The following RBFOX1 variants were observed in gnomAD, a reference collection of about 807,000 sequenced individuals.
The protein encoded by RBFOX1 is RNA binding protein fox-1 homolog 1.
Under a neutral mutation model 57.7 loss-of-function variants are expected in RBFOX1, and 8 were observed. The observed-to-expected ratio is 0.14, with a 90% confidence interval of 0.08 to 0.25. RBFOX1 has a LOEUF of 0.25. Among genes scored for constraint, RBFOX1 ranks in the 10% least tolerant of loss-of-function variants. RBFOX1 has a pLI of 1.00. For synonymous variants in RBFOX1, 326 were observed against 222.4 expected (o/e 1.47, Z -4.15); for missense variants, 611 against 548.5 (o/e 1.11, Z -1.14).
At chr16:6,549,524 AGGGAGGAGGAGGAG>A (rs1470225001) in intron 2 of RBFOX1, among the ~76,000 whole-genome samples, 5 of 56,924 alleles carry the variant, frequency 8.8e-5, no homozygotes, top group Non-Finnish European at 1.7e-4. Flanking sequence ...GGAGGAGAGG[AGGGAGGAGGAGGAG>A]GGGAGGAGGA....
intron 4 of RBFOX1, among the ~76,000 whole-genome samples, chr16:5,993,339 ACG>A (rs2060434163): frequency 1.1e-5 from 1 of 94,036 alleles, no homozygotes; most frequent in African/African-American, 4.9e-5. Flanking sequence ...ATAATGCTGT[ACG>A]TGTGTGTGTG....
chr16:7,427,581 A>G (rs2098633494), intron 4 of RBFOX1, among the ~76,000 whole-genome samples: 1 of 150,670 alleles, frequency 6.6e-6, no homozygotes, highest in Non-Finnish European at 1.5e-5. Context: ...CCCTTGCCCA[A>G]GCTAATTTAA....
At chr16:5,542,609 C>T (rs1222138996) in intron 2 of RBFOX1, among the ~76,000 whole-genome samples, 1 of 152,074 alleles carries the variant, frequency 6.6e-6, no homozygotes, top group Non-Finnish European at 1.5e-5. Context: ...TCTAGTACAA[C>T]AATGAAAGGA....
intron 4 of RBFOX1, among the ~76,000 whole-genome samples, chr16:7,267,410 C>T (rs558408194): frequency 6.6e-6 from 1 of 151,226 alleles, no homozygotes; most frequent in Non-Finnish European, 1.5e-5. Context: ...GTGGTGTGCA[C>T]CTGCAATCCC....
chr16:6,134,350 T>A (rs978658503), intron 1 of RBFOX1, among the ~76,000 whole-genome samples: 4 of 152,212 alleles, frequency 2.6e-5, no homozygotes, highest in Non-Finnish European at 5.9e-5. Flanking sequence ...AAAAGAGGAT[T>A]TGTCTGGTTT....
chr16:7,021,892 TTTC>T (rs1442394479), intron 3 of RBFOX1, among the ~76,000 whole-genome samples: 2 of 121,604 alleles, frequency 1.6e-5, no homozygotes, highest in Non-Finnish European at 3.2e-5. Flanking sequence ...TCTTTCTTTC[TTTC>T]TTTTCTTTCT....
intron 3 of RBFOX1, among the ~76,000 whole-genome samples, chr16:6,728,311 T>C (rs1475946821): frequency 6.6e-6 from 1 of 152,148 alleles, no homozygotes; most frequent in Non-Finnish European, 1.5e-5. Context: ...ACTTATCAAA[T>C]AGTGAAAAAC....
intron 4 of RBFOX1, among the ~76,000 whole-genome samples, chr16:7,370,093 G>A (rs1480933703): frequency 6.6e-6 from 1 of 152,198 alleles, no homozygotes. Flanking sequence ...AGAAAATTCT[G>A]TTGTTGAAGG....
intron 4 of RBFOX1, among the ~76,000 whole-genome samples, chr16:7,097,893 C>T (rs769389143): frequency 6.6e-6 from 1 of 152,186 alleles, no homozygotes; most frequent in South Asian, 2.1e-4. Context: ...ATCATAGTGC[C>T]TCACACAATG....
chr16:6,258,094 A>G (rs761591669), intron 1 of RBFOX1, among the ~76,000 whole-genome samples: 2 of 152,148 alleles, frequency 1.3e-5, no homozygotes, highest in African/African-American at 2.4e-5. Context: ...TCTTAATAAA[A>G]TTCCCATGCC....
intron 1 of RBFOX1, among the ~76,000 whole-genome samples, chr16:5,342,809 C>A (rs565840826): frequency 6.6e-6 from 1 of 152,250 alleles, no homozygotes; most frequent in African/African-American, 2.4e-5. Flanking sequence ...ATCTGCTTAC[C>A]TAGTTTTCCT....
chr16:7,115,185 T>C (rs927896538), intron 4 of RBFOX1, among the ~76,000 whole-genome samples: 4 of 152,138 alleles, frequency 2.6e-5, no homozygotes, highest in Non-Finnish European at 5.9e-5. Context: ...AAACCTGGTA[T>C]TTTTTTAATT....
chr16:6,562,858 TTCTTTCTTTCTTTCTTTCTTTC>T (rs1340335219), intron 2 of RBFOX1, among the ~76,000 whole-genome samples: 730 of 61,720 alleles, frequency 0.012, 79 homozygotes, highest in African/African-American at 0.051. Flanking sequence ...CTTTCTTTCT[TTCTTTCTTTCTTTCTTTCTTTC>T]TTTTTTTTTT....
At chr16:6,591,726 T>C (rs1425765362) in intron 2 of RBFOX1, among the ~76,000 whole-genome samples, 1 of 152,238 alleles carries the variant, frequency 6.6e-6, no homozygotes, top group African/African-American at 2.4e-5. Context: ...TGTACTATTA[T>C]ATTTAATTGG....
intron 3 of RBFOX1, among the ~76,000 whole-genome samples, chr16:6,913,975 A>G (rs1160153846): frequency 6.6e-6 from 1 of 152,214 alleles, no homozygotes; most frequent in Non-Finnish European, 1.5e-5. Flanking sequence ...TCCCCACCTC[A>G]TGTATACATT....
intron 4 of RBFOX1, among the ~76,000 whole-genome samples, chr16:7,244,827 T>C (rs879327213): frequency 3.3e-5 from 5 of 152,180 alleles, no homozygotes; most frequent in African/African-American, 4.8e-5. Flanking sequence ...TTTGTTTCCT[T>C]GTTCCCACTT....
rs1179494849 is a variant in RBFOX1 at position 6,320,059 on chromosome 16, CTT to C, written c.-64+3003_-64+3004del. On this transcript the variant is annotated intron_variant, in intron 2 of 15. Coordinates refer to ENST00000550418, the MANE Select transcript of RBFOX1 (RefSeq NM_018723.4). ...ATTGCGTCAATTTCAAAAGCATACTCTTAATATAATTGGCTTTGGTGACTGAG... is the reference window on the plus strand; with the variant it reads ...ATTGCGTCAATTTCAAAAGCATACTCAATATAATTGGCTTTGGTGACTGAG... Among the ~76,000 whole-genome samples the C allele has an allele frequency of 1.1e-4, 17 of 152,098 alleles. No homozygotes were observed. The Middle Eastern group carries it at 0.01, about 91-fold the overall frequency.
At chr16:6,989,667 A>G (rs1002316306) in intron 3 of RBFOX1, among the ~76,000 whole-genome samples, 2 of 152,168 alleles carry the variant, frequency 1.3e-5, no homozygotes, top group African/African-American at 2.4e-5. Context: ...AACAGAAGCT[A>G]CTTGGAACAG....
intron 2 of RBFOX1, among the ~76,000 whole-genome samples, chr16:6,513,469 C>G (rs1368394655): frequency 6.6e-6 from 1 of 152,146 alleles, no homozygotes; most frequent in East Asian, 1.9e-4. Flanking sequence ...CGCGGTGGCT[C>G]ACGTCTGTAA....
Sources: allele counts gnomAD v4.1 joint callset (sites outside exome capture counted in the v4.1 genomes callset), GRCh38; gene constraint gnomAD v4.1.1; transcripts MANE v1.5; gene names NCBI Gene and HGNC (gene_info 2026-07-23, HGNC 2026-07-21).